Variants in NXN observed in about 807,000 individuals in gnomAD.
NXN encodes the protein nucleoredoxin 1.
A neutral mutation model predicts 48.6 loss-of-function variants in NXN; 16 were observed. The ratio of observed to expected loss-of-function variants is 0.33; its 90% CI spans 0.22 to 0.50. NXN has a LOEUF of 0.50. Ranked by LOEUF, NXN falls within the 20% of genes least tolerant of loss-of-function variation. NXN has a pLI of 0.98. For missense variants in NXN, 492 were observed against 605.5 expected, an observed-to-expected ratio of 0.81 and a Z score of 1.97; for synonymous variants, 281 against 269.6, an observed-to-expected ratio of 1.04 and a Z score of -0.41.
intron 5 of NXN, chr17:819,149 G>T: frequency 2.5e-6 from 1 of 403,846 alleles, no homozygotes; most frequent in Non-Finnish European, 4.7e-6. Context: ...GTTTCACCGT[G>T]TTGTCCAAAC....
intron 1 of NXN, among the ~76,000 whole-genome samples, chr17:861,790 A>G (rs996965971): frequency 1.3e-5 from 2 of 151,940 alleles, no homozygotes; most frequent in Admixed American, 6.6e-5. Context: ...GTCTGAAATG[A>G]TACTAAAAAA....
At chr17:812,231 T>C (rs1387536803) in intron 5 of NXN, among the ~76,000 whole-genome samples, 1 of 152,026 alleles carries the variant, frequency 6.6e-6, no homozygotes, top group South Asian at 2.1e-4. Flanking sequence ...GTGGCCTGGG[T>C]TACCCATTTT....
intron 5 of NXN, among the ~76,000 whole-genome samples, chr17:809,924 T>C (rs1359484223): frequency 8.5e-5 from 11 of 129,946 alleles, no homozygotes; most frequent in East Asian, 5.1e-4. Flanking sequence ...ACGTTAAGAG[T>C]CCGTGTGAGT....
At chr17:975,876 CCTGA>C (rs1296016569) in intron 1 of NXN, among the ~76,000 whole-genome samples, 5 of 152,232 alleles carry the variant, frequency 3.3e-5, no homozygotes, top group African/African-American at 1.2e-4. Flanking sequence ...TTCACCACCT[CCTGA>C]CTATCGATCA....
At chr17:846,385 C>G (rs1235874095) in intron 1 of NXN, among the ~76,000 whole-genome samples, 3 of 147,206 alleles carry the variant, frequency 2.0e-5, no homozygotes, top group Non-Finnish European at 4.4e-5. Flanking sequence ...CCACTGCACT[C>G]CAGCCTGGCG....
intron 1 of NXN, among the ~76,000 whole-genome samples, chr17:856,678 C>G (rs772075218): frequency 1.3e-5 from 2 of 151,792 alleles, no homozygotes; most frequent in Non-Finnish European, 2.9e-5. Context: ...TTAGTAGAGA[C>G]GGGGTTTCTC....
chr17:822,614 T>C (rs964130709), intron 3 of NXN, among the ~76,000 whole-genome samples, 157 bp from the exon 4 acceptor site: 1 of 152,128 alleles, frequency 6.6e-6, no homozygotes, highest in Non-Finnish European at 1.5e-5. Flanking sequence ...GGTGGCTACC[T>C]GGGAGGCTGA....
intron 1 of NXN, among the ~76,000 whole-genome samples, chr17:925,893 G>C (rs183675792): frequency 9.3e-4 from 141 of 152,324 alleles, no homozygotes; most frequent in South Asian, 2.1e-3. Context: ...CCAGTCTTTA[G>C]TTTATCCAAA....
chr17:855,345 C>A (rs530486058), intron 1 of NXN, among the ~76,000 whole-genome samples: 1 of 152,132 alleles, frequency 6.6e-6, no homozygotes, highest in Non-Finnish European at 1.5e-5. Flanking sequence ...TTGAATCCCC[C>A]GGGTCTGATA....
At chr17:874,975 T>C (rs553172102) in intron 1 of NXN, among the ~76,000 whole-genome samples, 6 of 152,062 alleles carry the variant, frequency 3.9e-5, no homozygotes, top group African/African-American at 7.2e-5. Context: ...CCATTTACCA[T>C]TGGTGAAGCA....
intron 1 of NXN, among the ~76,000 whole-genome samples, chr17:969,479 A>T (rs1201652403): frequency 6.6e-6 from 1 of 152,218 alleles, no homozygotes; most frequent in Admixed American, 6.5e-5. Flanking sequence ...GCAGTCAAGA[A>T]CATGCCCAGA....
chr17:811,854 G>A (rs1395240392), intron 5 of NXN, among the ~76,000 whole-genome samples: 2 of 150,508 alleles, frequency 1.3e-5, no homozygotes, highest in Non-Finnish European at 2.9e-5. Context: ...CCCTTCACTC[G>A]GCAGGGTGAT....
intron 5 of NXN, among the ~76,000 whole-genome samples, chr17:812,535 C>T (rs1369628755): frequency 6.6e-6 from 1 of 152,172 alleles, no homozygotes; most frequent in Non-Finnish European, 1.5e-5. Context: ...GACACTCCAA[C>T]AGCCAGGACC....
intron 1 of NXN, among the ~76,000 whole-genome samples, chr17:973,375 G>A (rs1257067447): frequency 6.6e-6 from 1 of 152,174 alleles, no homozygotes; most frequent in Non-Finnish European, 1.5e-5. Context: ...AGCAAACAGG[G>A]TCAGCGGAAG....
At chr17:809,354 C>T (rs1423973275) in intron 5 of NXN, among the ~76,000 whole-genome samples, 1 of 152,350 alleles carries the variant, frequency 6.6e-6, no homozygotes, top group East Asian at 1.9e-4. Context: ...TCCAAACTCT[C>T]TTCTCCAAGG....
chr17:946,570 T>C (rs984782431), intron 1 of NXN, among the ~76,000 whole-genome samples: 3 of 152,222 alleles, frequency 2.0e-5, no homozygotes, highest in South Asian at 2.1e-4. Flanking sequence ...GCTTGAGTTA[T>C]CATGCCCACT....
intron 1 of NXN, among the ~76,000 whole-genome samples, chr17:843,040 G>GAAAGAAAGA (rs1555613133): frequency 7.1e-6 from 1 of 140,080 alleles, no homozygotes; most frequent in Non-Finnish European, 1.5e-5. Context: ...AAGAAAGAAA[G>GAAAGAAAGA]AAAGAAAGAA....
intron 1 of NXN, among the ~76,000 whole-genome samples, chr17:974,212 G>A (rs985770303): frequency 2.0e-5 from 3 of 151,698 alleles, no homozygotes; most frequent in Non-Finnish European, 4.4e-5. Context: ...TTAGCCAGGC[G>A]TGGTGGTGGG....
At chr17:818,083 ACTT>A (rs1164405622) in intron 5 of NXN, among the ~76,000 whole-genome samples, 1 of 151,818 alleles carries the variant, frequency 6.6e-6, no homozygotes, top group Non-Finnish European at 1.5e-5. Flanking sequence ...ACATGGCAAA[ACTT>A]CATCTCTACT....
Sources: allele counts gnomAD v4.1 joint callset (sites outside exome capture counted in the v4.1 genomes callset), GRCh38; gene constraint gnomAD v4.1.1; transcripts MANE v1.5; gene names NCBI Gene and HGNC (gene_info 2026-07-23, HGNC 2026-07-21).